The following CCDC7 variants were observed in gnomAD, a reference collection of about 807,000 sequenced individuals.
The protein encoded by CCDC7 is coiled-coil domain containing 7.
A neutral mutation model predicts 196.9 loss-of-function variants in CCDC7; 183 were observed. That is an observed-to-expected ratio of 0.93 (90% confidence interval 0.82 to 1.05). The LOEUF (loss-of-function observed/expected upper bound fraction) is 1.05. Ranked by LOEUF, CCDC7 falls within the 50% of genes least tolerant of loss-of-function variation. The probability of loss-of-function intolerance (pLI) is 0.00; values close to 1 mark genes in which losing one functional copy is unlikely to be tolerated. For missense variants in CCDC7, 1,540 were observed against 1,482.2 expected (o/e 1.04, Z -0.64); for synonymous variants, 525 against 484.6 (o/e 1.08, Z -1.10).
intron 9 of CCDC7, among the ~76,000 whole-genome samples, chr10:32,504,273 C>T (rs1465784652): frequency 2.0e-5 from 3 of 151,838 alleles, no homozygotes; most frequent in South Asian, 2.1e-4. Flanking sequence ...CCTGCCACAA[C>T]GCCCGGCTAA....
Position 32,711,749 on chromosome 10 carries a change from G to A in CCDC7, c.2569+19G>A, listed in dbSNP as rs1300087607. On this transcript the variant is annotated intron_variant, in intron 25 of 41. Transcript: ENST00000639629. ...CGTAGCAGTAAGTATAATGATGATA[G>A]CTATTTTATATTATTTTAAGTAAAT... 3 of 1,367,554 alleles carry A rather than the reference G, an allele frequency of 2.2e-6. No individual in the cohort carries two copies. The highest frequency in any genetic ancestry group is 3.0e-5 in the African/African-American group (2 of 66,222). 84.7% of individuals were successfully genotyped at this position (1,367,554 alleles called of 1,614,324 possible). A position where few individuals can be genotyped will look rare whatever the true frequency, so the allele number is the denominator to read the frequency against.
At chr10:32,770,737 TG>T (rs746488076) in intron 28 of CCDC7, among the ~76,000 whole-genome samples, 2 of 152,166 alleles carry the variant, frequency 1.3e-5, no homozygotes, top group African/African-American at 2.4e-5. Flanking sequence ...ATTATTGTTT[TG>T]CTATCTTATG....
intron 23 of CCDC7, among the ~76,000 whole-genome samples, chr10:32,692,229 G>A (rs1268038102): frequency 6.6e-6 from 1 of 152,192 alleles, no homozygotes; most frequent in Non-Finnish European, 1.5e-5. Context: ...AGTGTGCAGA[G>A]TCTCCAACTT....
At chr10:32,702,451 A>G (rs1052771100) in intron 24 of CCDC7, among the ~76,000 whole-genome samples, 5 of 151,998 alleles carry the variant, frequency 3.3e-5, no homozygotes, top group Non-Finnish European at 5.9e-5. Flanking sequence ...TATGTGGTCA[A>G]TTTTCGAATA....
intron 18 of CCDC7, among the ~76,000 whole-genome samples, 174 bp from the exon 20 acceptor site, chr10:32,634,080 C>G (rs182323649): frequency 6.6e-6 from 1 of 152,104 alleles, no homozygotes. Flanking sequence ...GCAACATACA[C>G]CTATTAAAAC....
At chr10:32,737,319 T>A (rs952277072) in intron 28 of CCDC7, among the ~76,000 whole-genome samples, 1 of 152,196 alleles carries the variant, frequency 6.6e-6, no homozygotes. Context: ...TGTAGTTTTT[T>A]TCTTATAGTA....
At chr10:32,675,046 T>C (rs901255692) in intron 21 of CCDC7, among the ~76,000 whole-genome samples, 12 of 152,146 alleles carry the variant, frequency 7.9e-5, no homozygotes, top group African/African-American at 2.9e-4. Flanking sequence ...TTTCTCATCC[T>C]TTCAGCTTCT....
At chr10:32,500,452 C>T (rs191267317) in intron 9 of CCDC7, among the ~76,000 whole-genome samples, 16 of 147,336 alleles carry the variant, frequency 1.1e-4, no homozygotes, top group Non-Finnish European at 1.9e-4. Flanking sequence ...TCGGAGGGGG[C>T]GGCGGGGCAG....
chr10:32,467,024 A>C (rs2133813571), intron 5 of CCDC7, among the ~76,000 whole-genome samples: 1 of 151,952 alleles, frequency 6.6e-6, no homozygotes, highest in South Asian at 2.1e-4. Context: ...TCTAATGATC[A>C]GTGATGTTGA....
At chr10:32,693,987 A>G (rs957214668) in intron 23 of CCDC7, among the ~76,000 whole-genome samples, 15 of 152,332 alleles carry the variant, frequency 9.8e-5, no homozygotes, top group Middle Eastern at 3.4e-3. Flanking sequence ...TTATTATAAA[A>G]TAAAAATTCA....
At chr10:32,670,849 A>G (rs944639691) in intron 21 of CCDC7, among the ~76,000 whole-genome samples, 17 of 151,608 alleles carry the variant, frequency 1.1e-4, no homozygotes, top group Middle Eastern at 3.4e-3. Context: ...TTCCTTCTAT[A>G]AACTTTGGGT....
intron 18 of CCDC7, among the ~76,000 whole-genome samples, chr10:32,609,995 T>C (rs2061927123): frequency 6.6e-6 from 1 of 151,718 alleles, no homozygotes; most frequent in Non-Finnish European, 1.5e-5. Context: ...TGGAGTGAGA[T>C]AGCATGATTT....
intron 18 of CCDC7, among the ~76,000 whole-genome samples, chr10:32,592,043 C>T (rs989567056): frequency 6.6e-6 from 1 of 152,186 alleles, no homozygotes. Context: ...TCTTGCTCCA[C>T]TTCCTCTATA....
chr10:32,714,201 C>T (rs993150239), intron 25 of CCDC7, among the ~76,000 whole-genome samples: 5 of 152,094 alleles, frequency 3.3e-5, no homozygotes, highest in Admixed American at 6.6e-5. Context: ...CTGAGGTACT[C>T]GGTTCGTCTC....
At chr10:32,713,829 C>A (rs2081198992) in intron 25 of CCDC7, among the ~76,000 whole-genome samples, 1 of 152,230 alleles carries the variant, frequency 6.6e-6, no homozygotes, top group Non-Finnish European at 1.5e-5. Context: ...ATCTGGGCAG[C>A]AGCCACGTTT....
intron 13 of CCDC7, among the ~76,000 whole-genome samples, chr10:32,553,117 TTA>T (rs1474625040): frequency 5.2e-4 from 59 of 113,298 alleles, no homozygotes; most frequent in African/African-American, 1.6e-3. Flanking sequence ...TTTTTTTTTT[TTA>T]ATTCTTTTTT....
At chr10:32,579,104 A>T (rs897513024) in intron 16 of CCDC7, among the ~76,000 whole-genome samples, 2 of 152,152 alleles carry the variant, frequency 1.3e-5, no homozygotes, top group Non-Finnish European at 2.9e-5. Context: ...ATCCTCAGCT[A>T]CATATGTGTG....
chr10:32,447,004 A>G (rs974670912), upstream of CCDC7, among the ~76,000 whole-genome samples: 8 of 144,284 alleles, frequency 5.5e-5, no homozygotes, highest in Non-Finnish European at 9.2e-5. Context: ...AGAGGACACA[A>G]TGCAATCCAT....
intron 11 of CCDC7, among the ~76,000 whole-genome samples, chr10:32,543,053 T>A (rs1276122515): frequency 6.6e-6 from 1 of 152,166 alleles, no homozygotes; most frequent in African/African-American, 2.4e-5. Context: ...CATAATTGAT[T>A]GATATTGTCA....
Sources: allele counts gnomAD v4.1 joint callset (sites outside exome capture counted in the v4.1 genomes callset), GRCh38; gene constraint gnomAD v4.1.1; transcripts MANE v1.5; gene names NCBI Gene and HGNC (gene_info 2026-07-23, HGNC 2026-07-21).